The following FER variants were observed in gnomAD, a reference collection of about 807,000 sequenced individuals.
FER encodes FER tyrosine kinase.
In FER, 63 loss-of-function variants were observed where a neutral mutation model predicts 111.0. That is an observed-to-expected ratio of 0.57 (90% CI 0.46 to 0.70). The LOEUF (loss-of-function observed/expected upper bound fraction) is 0.70, where lower values mean the gene tolerates loss of function less well. Among genes scored for constraint, FER ranks in the 30% least tolerant of loss-of-function variants. The pLI, the probability that FER is intolerant of heterozygous loss-of-function variation, is 0.00. For missense variants in FER, 914 were observed against 954.0 expected (o/e 0.96, Z 0.55); for synonymous variants, 327 against 313.9 (o/e 1.04, Z -0.44).
At chr5:109,160,958 T>G (rs1198025295) in intron 17 of FER, among the ~76,000 whole-genome samples, 1 of 152,174 alleles carries the variant, frequency 6.6e-6, no homozygotes, top group East Asian at 1.9e-4. Flanking sequence ...ATATATTATC[T>G]TATTCTTTGC....
intron 3 of FER, among the ~76,000 whole-genome samples, chr5:108,822,769 T>TTTATTTATTTTATTTTATG (rs1561470163): frequency 7.9e-5 from 8 of 101,782 alleles, no homozygotes; most frequent in East Asian, 2.2e-4. Flanking sequence ...TTTTATTTAT[T>TTTATTTATTTTATTTTATG]TTATTTTATG....
At chr5:108,782,996 A>C (rs911669468) in intron 2 of FER, among the ~76,000 whole-genome samples, 2 of 152,104 alleles carry the variant, frequency 1.3e-5, no homozygotes, top group Non-Finnish European at 2.9e-5. Context: ...CTAATAGTAC[A>C]CTGTCTTGAT....
chr5:109,187,754 TAAAG>T lies in FER; in HGVS notation c.*183_*186del, dbSNP rs751980065. ...TGTAAAAAGTCAAAGGCAAATTTGT[TAAAG>T]AAATAGGCAGTCCTACCAAGGGCTT... On this transcript the variant is annotated 3_prime_UTR_variant, in exon 20 of 20. Coordinates refer to ENST00000281092, the MANE Select transcript of FER (RefSeq NM_005246.4). 1.2e-5 allele frequency: 9 copies of T among 737,780 alleles called. No individual in the cohort carries two copies. The highest frequency in any genetic ancestry group is 1.9e-5 in the Non-Finnish European group (9 of 464,992). 45.7% of individuals were successfully genotyped at this position (737,780 alleles called of 1,614,324 possible).
chr5:109,027,096 A>AT lies in FER; in HGVS notation c.1657-10317dup, dbSNP rs200059208. Among the ~76,000 whole-genome samples, 904 of 151,698 alleles carry AT rather than the reference A, an allele frequency of 6.0e-3. 6 individuals carry two copies. Among genetic ancestry groups the AT allele is most frequent in the African/African-American group, 0.021 (862 of 41,398 alleles). On this transcript the variant is annotated intron_variant, in intron 13 of 19. Transcript: ENST00000281092. ...TATTAAATCTTTGTAGTGAGATAAT[A>AT]TTTTTTTTTAATTCTGATTTAAATT...
At chr5:108,770,270 T>A (rs1752756154) in intron 2 of FER, among the ~76,000 whole-genome samples, 1 of 152,190 alleles carries the variant, frequency 6.6e-6, no homozygotes, top group Non-Finnish European at 1.5e-5. Flanking sequence ...TAATTAATTA[T>A]GAGTTGAATT....
At chr5:108,957,373 A>G (rs1337182920) in intron 12 of FER, among the ~76,000 whole-genome samples, 1 of 151,620 alleles carries the variant, frequency 6.6e-6, no homozygotes, top group Non-Finnish European at 1.5e-5. Flanking sequence ...ACTGATCATC[A>G]GAGAAGTACA....
At chr5:108,898,580 C>T (rs1312104104) in intron 10 of FER, among the ~76,000 whole-genome samples, 8 of 129,506 alleles carry the variant, frequency 6.2e-5, no homozygotes, top group African/African-American at 2.3e-4. Context: ...CCTCCCTTCC[C>T]CTCCCCTCCC....
intron 10 of FER, among the ~76,000 whole-genome samples, chr5:108,921,696 A>G (rs1211583979): frequency 6.6e-6 from 1 of 152,168 alleles, no homozygotes; most frequent in Non-Finnish European, 1.5e-5. Context: ...AGACGTTGAC[A>G]ATGTTTTTTA....
intron 1 of FER, among the ~76,000 whole-genome samples, chr5:108,753,234 A>G (rs1750696975): frequency 1.3e-5 from 2 of 152,256 alleles, no homozygotes; most frequent in East Asian, 3.9e-4. Context: ...ACCATCCACA[A>G]AGTCCTTGTT....
At chr5:108,912,062 TC>T (rs1216150416) in intron 10 of FER, among the ~76,000 whole-genome samples, 1 of 152,150 alleles carries the variant, frequency 6.6e-6, no homozygotes, top group African/African-American at 2.4e-5. Context: ...TCTCATTCTC[TC>T]GTCTGCTGCC....
At chr5:109,158,207 C>G (rs1274453355) in intron 17 of FER, among the ~76,000 whole-genome samples, 1 of 151,722 alleles carries the variant, frequency 6.6e-6, no homozygotes, top group Non-Finnish European at 1.5e-5. Context: ...GATGAAACCC[C>G]GTCTCTACAA....
chr5:109,160,496 T>C (rs1381729724), intron 17 of FER, among the ~76,000 whole-genome samples: 2 of 152,198 alleles, frequency 1.3e-5, no homozygotes. Flanking sequence ...CAGTCGTAAC[T>C]TGCTGTGCAA....
At chr5:108,890,027 A>G (rs1561569084) in intron 9 of FER, among the ~76,000 whole-genome samples, 1 of 152,060 alleles carries the variant, frequency 6.6e-6, no homozygotes, top group Non-Finnish European at 1.5e-5. Context: ...AGATACTGAC[A>G]TTATGCAGTT....
rs1759271303 is a variant in FER at position 109,190,102 on chromosome 5, G to GTGCT, written c.*2530_*2533dup. 6.6e-6 allele frequency: 1 copy of GTGCT among 152,144 alleles called. No individual in the cohort carries two copies. Among genetic ancestry groups the GTGCT allele is most frequent in the South Asian group, 2.1e-4 (1 of 4,812 alleles). The allele number at this position is 152,144 out of a possible 1,614,324, so 9.4% of individuals were successfully genotyped here. A position where few individuals can be genotyped will look rare whatever the true frequency, so the allele number is the denominator to read the frequency against. Reference sequence around the variant, plus strand: ...ACAGTTTTTCACTGTTAATTTTGTTGTGCTTGAAGCATAATTTATTCATCC... The same window carrying GTGCT: ...ACAGTTTTTCACTGTTAATTTTGTTGTGCTTGCTTGAAGCATAATTTATTCATCC... On this transcript the variant is annotated 3_prime_UTR_variant, in exon 20 of 20. Coordinates refer to ENST00000281092, the MANE Select transcript of FER (RefSeq NM_005246.4).
chr5:108,884,721 C>T (rs1441958471), intron 9 of FER, among the ~76,000 whole-genome samples: 3 of 151,936 alleles, frequency 2.0e-5, no homozygotes, highest in Admixed American at 6.6e-5. Context: ...TTTTTTCCCA[C>T]GTACTATCTT....
intron 17 of FER, among the ~76,000 whole-genome samples, chr5:109,178,145 G>A (rs1407720203): frequency 6.6e-6 from 1 of 152,166 alleles, no homozygotes; most frequent in Non-Finnish European, 1.5e-5. Flanking sequence ...ATACTTATTA[G>A]AATATTTGCA....
intron 18 of FER, among the ~76,000 whole-genome samples, chr5:109,185,304 C>T (rs1386377674): frequency 1.3e-5 from 2 of 152,138 alleles, no homozygotes; most frequent in African/African-American, 4.8e-5. Flanking sequence ...TTTTGTTAGC[C>T]AGCTATGTTA....
intron 2 of FER, among the ~76,000 whole-genome samples, chr5:108,775,319 A>T (rs1053112050): frequency 6.6e-6 from 1 of 152,080 alleles, no homozygotes; most frequent in Non-Finnish European, 1.5e-5. Flanking sequence ...TTACCTGTGA[A>T]CTTGTCTAGT....
At chr5:108,770,175 C>T (rs1209487000) in intron 2 of FER, among the ~76,000 whole-genome samples, 7 of 152,114 alleles carry the variant, frequency 4.6e-5, no homozygotes, top group South Asian at 2.1e-4. Flanking sequence ...CTCGAACTCC[C>T]GGCCTCAGGT....
Sources: allele counts gnomAD v4.1 joint callset (sites outside exome capture counted in the v4.1 genomes callset), GRCh38; gene constraint gnomAD v4.1.1; transcripts MANE v1.5; gene names NCBI Gene and HGNC (gene_info 2026-07-23, HGNC 2026-07-21).